Variants in CDK14 observed in about 807,000 individuals in gnomAD.
CDK14 encodes the protein cyclin dependent kinase 14.
A neutral mutation model predicts 60.7 loss-of-function variants in CDK14; 34 were observed. That is an observed-to-expected ratio of 0.56 (90% CI 0.43 to 0.75). The LOEUF is 0.75. Among genes scored for constraint, CDK14 ranks in the 30% least tolerant of loss-of-function variants. The pLI is 0.00. For synonymous variants in CDK14, 197 were observed against 203.7 expected, an observed-to-expected ratio of 0.97 and a Z score of 0.28; for missense variants, 482 against 564.1, an observed-to-expected ratio of 0.85 and a Z score of 1.47.
intron 2 of CDK14, among the ~76,000 whole-genome samples, chr7:90,716,572 T>G (rs920086822): frequency 1.3e-5 from 2 of 152,154 alleles, no homozygotes; most frequent in Non-Finnish European, 2.9e-5. Flanking sequence ...CCCATGTATA[T>G]TCTTTCTTCT....
At chr7:90,957,325 T>A (rs1794457357) in intron 9 of CDK14, among the ~76,000 whole-genome samples, 1 of 152,176 alleles carries the variant, frequency 6.6e-6, no homozygotes, top group African/African-American at 2.4e-5. Flanking sequence ...TGTGAGATGG[T>A]ATCTCATTGT....
Position 91,122,492 on chromosome 7 carries a change from A to C in CDK14, c.*28+4284A>C, listed in dbSNP as rs149246322. ...GAACGTTAGTAGAATGGTGGTTCTTACTCGGTAGGCCACCTAGAGCTGTTT... is the reference window on the plus strand; with the variant it reads ...GAACGTTAGTAGAATGGTGGTTCTTCCTCGGTAGGCCACCTAGAGCTGTTT... On this transcript the variant is annotated intron_variant, in intron 14 of 14. Transcript: ENST00000380050. Among the ~76,000 whole-genome samples the C allele has an allele frequency of 1.2e-3, 176 of 152,272 alleles. 3 individuals carry two copies. The East Asian group carries it at 0.022, about 19-fold the overall frequency.
At chr7:90,805,260 G>A (rs1214341372) in intron 5 of CDK14, among the ~76,000 whole-genome samples, 2 of 151,740 alleles carry the variant, frequency 1.3e-5, no homozygotes, top group African/African-American at 4.8e-5. Context: ...GAGCAAGGGG[G>A]GTATCTTAAA....
intron 9 of CDK14, among the ~76,000 whole-genome samples, chr7:90,956,519 T>C (rs1231552219): frequency 1.3e-5 from 2 of 152,184 alleles, no homozygotes; most frequent in African/African-American, 4.8e-5. Flanking sequence ...GTTGAACATA[T>C]CTTTTATTAA....
At chr7:90,642,788 T>G (rs1285756773) in intron 2 of CDK14, among the ~76,000 whole-genome samples, 3 of 152,210 alleles carry the variant, frequency 2.0e-5, no homozygotes, top group African/African-American at 7.2e-5. Flanking sequence ...ACTATATAAT[T>G]TGTTCCACAG....
intron 2 of CDK14, among the ~76,000 whole-genome samples, chr7:90,649,550 T>A (rs13238296): frequency 6.7e-6 from 1 of 149,882 alleles, no homozygotes; most frequent in Non-Finnish European, 1.5e-5. Context: ...CATGTTGGTT[T>A]GCTGCATCCA....
intron 4 of CDK14, among the ~76,000 whole-genome samples, chr7:90,752,172 G>C (rs2116827225): frequency 6.6e-6 from 1 of 152,068 alleles, no homozygotes; most frequent in East Asian, 1.9e-4. Flanking sequence ...TGACCAACTA[G>C]ACCTAATAGG....
At chr7:90,763,473 C>G (rs1804409767) in intron 4 of CDK14, among the ~76,000 whole-genome samples, 1 of 152,112 alleles carries the variant, frequency 6.6e-6, no homozygotes, top group Admixed American at 6.5e-5. Flanking sequence ...TTTTAAAACC[C>G]CGTATAGAGT....
intron 14 of CDK14, among the ~76,000 whole-genome samples, chr7:91,120,520 A>T (rs1799748041): frequency 6.6e-6 from 1 of 151,284 alleles, no homozygotes; most frequent in East Asian, 1.9e-4. Flanking sequence ...TGCCTTTTTC[A>T]CATCAACTTG....
intron 8 of CDK14, among the ~76,000 whole-genome samples, chr7:90,936,973 G>T (rs1413995039): frequency 6.6e-6 from 1 of 152,034 alleles, no homozygotes; most frequent in African/African-American, 2.4e-5. Flanking sequence ...TAGCTATTTG[G>T]GAGGCTGAGG....
At chr7:91,083,771 C>G (rs980718423) in intron 12 of CDK14, among the ~76,000 whole-genome samples, 3 of 152,114 alleles carry the variant, frequency 2.0e-5, no homozygotes, top group African/African-American at 7.2e-5. Context: ...CCTAGAGAGC[C>G]TTGGAAAAGA....
intron 7 of CDK14, 81 bp from the exon 8 acceptor site, chr7:90,917,520 A>G: frequency 7.4e-7 from 1 of 1,359,524 alleles, no homozygotes. Context: ...CTAAATATTA[A>G]TACAAGTACT....
chr7:91,178,607 A>G (rs1801866950), intron 14 of CDK14, among the ~76,000 whole-genome samples: 1 of 152,212 alleles, frequency 6.6e-6, no homozygotes, highest in Non-Finnish European at 1.5e-5. Context: ...ACTCAAACAA[A>G]TTTACAGGAA....
At chr7:91,095,453 T>A (rs1783279701) in intron 12 of CDK14, among the ~76,000 whole-genome samples, 1 of 152,218 alleles carries the variant, frequency 6.6e-6, no homozygotes, top group Non-Finnish European at 1.5e-5. Flanking sequence ...GAATTATGTT[T>A]TGAACCTACC....
At chr7:90,751,896 C>T (rs1803862761) in intron 4 of CDK14, among the ~76,000 whole-genome samples, 1 of 152,116 alleles carries the variant, frequency 6.6e-6, no homozygotes, top group African/African-American at 2.4e-5. Flanking sequence ...TCAGATAAAA[C>T]AGACTTTAAG....
intron 2 of CDK14, among the ~76,000 whole-genome samples, chr7:90,671,439 A>G (rs993897762): frequency 6.6e-6 from 1 of 152,214 alleles, no homozygotes; most frequent in Non-Finnish European, 1.5e-5. Context: ...AATGAAAGAA[A>G]AAAACAAAAC....
intron 5 of CDK14, among the ~76,000 whole-genome samples, chr7:90,833,590 T>C (rs1317404986): frequency 7.9e-5 from 12 of 152,300 alleles, no homozygotes; most frequent in South Asian, 6.2e-4. Flanking sequence ...GTGTGTTTGA[T>C]TGGTGTGAAT....
At chr7:90,665,661 C>T (rs1800963475) in intron 2 of CDK14, among the ~76,000 whole-genome samples, 1 of 152,110 alleles carries the variant, frequency 6.6e-6, no homozygotes, top group Non-Finnish European at 1.5e-5. Flanking sequence ...GAAATTCAGG[C>T]ATCAGGGAAA....
At chr7:90,772,276 A>G (rs1223854732) in intron 4 of CDK14, among the ~76,000 whole-genome samples, 1 of 152,186 alleles carries the variant, frequency 6.6e-6, no homozygotes, top group Non-Finnish European at 1.5e-5. Context: ...TTGCCTAGCT[A>G]GCAAGATTGC....
Sources: allele counts gnomAD v4.1 joint callset (sites outside exome capture counted in the v4.1 genomes callset), GRCh38; gene constraint gnomAD v4.1.1; transcripts MANE v1.5; gene names NCBI Gene and HGNC (gene_info 2026-07-23, HGNC 2026-07-21).